Variants in VSX2 observed in about 807,000 individuals in gnomAD.
The protein encoded by VSX2 is ceh-10 homeo domain containing homolog.
Under a neutral mutation model 32.1 loss-of-function variants are expected in VSX2, and 28 were observed. That is an observed-to-expected ratio of 0.87 (90% CI 0.65 to 1.20). The LOEUF (loss-of-function observed/expected upper bound fraction) is 1.20. Among genes scored for constraint, VSX2 ranks in the 50% most tolerant of loss-of-function variants. VSX2 has a pLI of 0.00. For missense variants in VSX2, 506 were observed against 488.7 expected, an observed-to-expected ratio of 1.04 and a Z score of -0.33; for synonymous variants, 243 against 214.1, an observed-to-expected ratio of 1.14 and a Z score of -1.18.
chr14:74,244,863 A>G (rs2079173489), intron 2 of VSX2, among the ~76,000 whole-genome samples: 1 of 109,442 alleles, frequency 9.1e-6, no homozygotes, highest in East Asian at 2.2e-4. Context: ...TTAAACTATG[A>G]GACAGAGAGA....
rs1257388151 is a variant in VSX2 at position 74,260,809 on chromosome 14, G to T, written c.976G>T (p.Gly326Trp). The change falls in exon 5 of 5, where the codon GGG becomes TGG. Residue 326 changes from glycine (G) to tryptophan (W), a missense_variant. Gly to Trp is a radical substitution (Grantham distance 184). Coordinates refer to ENST00000261980, the MANE Select transcript of VSX2 (RefSeq NM_182894.3). ...CACCAAAGTGCTGGGGACTGTGTCT[G>T]GGCCGGACAGCCTGGCCCGGAGTAC... ...HSTKVLGTVS[G>W]PDSLARSTEK... 1 of 1,570,568 alleles carries T rather than the reference G, an allele frequency of 6.4e-7. No homozygotes were observed. Among genetic ancestry groups the T allele is most frequent in the East Asian group, 2.4e-5 (1 of 42,422 alleles).
At position 74,260,673 on chromosome 14, in the gene VSX2, C is replaced by G. The variant is rs779385952; in HGVS notation, c.840C>G (p.Leu280=). ...PEGERQALPK[L]DKMEQDERGP... is the part of the protein sequence containing the mutation. ...GGGAACGCCAGGCCCTGCCCAAGCT[C>G]GACAAGATGGAGCAGGACGAGCGGG... The change falls in exon 5 of 5, where the codon CTC becomes CTG. Residue 280 remains leucine, a synonymous_variant. Transcript: ENST00000261980. 1.9e-6 allele frequency: 3 copies of G among 1,600,528 alleles called. No individual in the cohort carries two copies. Among genetic ancestry groups the G allele is most frequent in the Non-Finnish European group, 2.6e-6 (3 of 1,174,296 alleles).
At chr14:74,259,352 C>T (rs1299917972) in intron 3 of VSX2, among the ~76,000 whole-genome samples, 1 of 152,138 alleles carries the variant, frequency 6.6e-6, no homozygotes, top group Non-Finnish European at 1.5e-5. Context: ...TCCTGCGCAC[C>T]TGCAAGACCC....
rs200029790 is a variant in VSX2, at chr14:74,241,271, G to A, written c.455+5G>A. 4 of 1,612,448 alleles carry A rather than the reference G, an allele frequency of 2.5e-6. No individual in the cohort carries two copies. The East Asian group carries it at 8.9e-5, about 36-fold the overall frequency. ...ACGGAAGAAGCGGCGACACAGGTGA[G>A]GCCCCCGCTTTCTGTTACCTCTCCT... On this transcript the variant is annotated splice_donor_5th_base_variant and intron_variant, in intron 2 of 4. Coordinates refer to ENST00000261980, the MANE Select transcript of VSX2 (RefSeq NM_182894.3).
intron 1 of VSX2, 137 bp from the exon 2 acceptor site, chr14:74,241,045 G>C: frequency 1.2e-6 from 1 of 829,758 alleles, no homozygotes; most frequent in African/African-American, 1.7e-5. Context: ...GGCCACCGGG[G>C]CGCCCGCAGG....
intron 3 of VSX2, among the ~76,000 whole-genome samples, chr14:74,255,329 C>T (rs2079256701): frequency 1.3e-5 from 2 of 152,216 alleles, no homozygotes; most frequent in Admixed American, 1.3e-4. Flanking sequence ...TCCAAGGCAC[C>T]ATTGCCATAG....
At chr14:74,248,334 T>TA (rs781035795) in intron 3 of VSX2, among the ~76,000 whole-genome samples, 43,615 of 84,748 alleles carry the variant, frequency 0.51, 10,367 homozygotes, top group Non-Finnish European at 0.57. Context: ...GAGACCAGGC[T>TA]AAAAAAAAAA....
chr14:74,255,726 T>C (rs1369865656), intron 3 of VSX2, among the ~76,000 whole-genome samples: 1 of 152,158 alleles, frequency 6.6e-6, no homozygotes, highest in Non-Finnish European at 1.5e-5. Context: ...GCCAGGGCAG[T>C]GCACCTTGCC....
chr14:74,251,916 T>A (rs2079231438), intron 3 of VSX2, among the ~76,000 whole-genome samples: 1 of 152,136 alleles, frequency 6.6e-6, no homozygotes, highest in South Asian at 2.1e-4. Context: ...TGATGGACGC[T>A]CACCTGATGG....
rs567237859 is a variant in VSX2 at position 74,257,897 on chromosome 14, C to G, written c.580-1705C>G. On this transcript the variant is annotated intron_variant, in intron 3 of 4. Transcript: ENST00000261980. ...AGGCGCTGCCGAGCGTCCCACTCAT[C>G]ACGCCAGCGCCAGACGGCAAGCAAT... Among the ~76,000 whole-genome samples the G allele has an allele frequency of 5.9e-4, 90 of 152,304 alleles. No individual in the cohort carries two copies. In the East Asian group the frequency reaches 0.015, roughly 26 times the overall value.
chr14:74,253,704 G>A (rs2079243990), intron 3 of VSX2, among the ~76,000 whole-genome samples: 1 of 152,226 alleles, frequency 6.6e-6, no homozygotes, highest in African/African-American at 2.4e-5. Context: ...GCCGAGGCTG[G>A]CTGATCACCT....
At chr14:74,258,451 G>T (rs774757264) in intron 3 of VSX2, among the ~76,000 whole-genome samples, 1 of 152,160 alleles carries the variant, frequency 6.6e-6, no homozygotes, top group Non-Finnish European at 1.5e-5. Flanking sequence ...AGGAAATCGG[G>T]AGGAAATGAA....
chr14:74,257,165 C>G (rs915643264), intron 3 of VSX2, among the ~76,000 whole-genome samples: 1 of 152,084 alleles, frequency 6.6e-6, no homozygotes, highest in Non-Finnish European at 1.5e-5. Context: ...CTGGGGAGAT[C>G]TACATACGGC....
At chr14:74,244,930 GAA>G (rs1172156339) in intron 2 of VSX2, among the ~76,000 whole-genome samples, 87 of 81,172 alleles carry the variant, frequency 1.1e-3, no homozygotes, top group Admixed American at 1.4e-3. Flanking sequence ...GTGTGTGTGT[GAA>G]AGAGAGAGAG....
intron 3 of VSX2, among the ~76,000 whole-genome samples, chr14:74,253,589 G>C (rs1016212343): frequency 9.9e-5 from 15 of 152,216 alleles, no homozygotes; most frequent in Non-Finnish European, 1.6e-4. Flanking sequence ...AACCTGCAGA[G>C]AGGTGGTGTC....
intron 2 of VSX2, among the ~76,000 whole-genome samples, chr14:74,244,959 T>TGTGAGAGAGAGAGAAAGAGAGAGAGAAA (rs2079179538): frequency 4.2e-5 from 4 of 95,222 alleles, no homozygotes; most frequent in African/African-American, 1.8e-4. Context: ...TGTGTGTGTG[T>TGTGAGAGAGAGAGAAAGAGAGAGAGAAA]GTGTGTGTGT....
intron 3 of VSX2, 136 bp downstream of exon 3, chr14:74,245,424 CCTAT>C: frequency 1.6e-6 from 2 of 1,260,460 alleles, no homozygotes; most frequent in Non-Finnish European, 2.2e-6. Context: ...ATGTTCTCAG[CCTAT>C]TTAAGCTGAA....
chr14:74,252,941 C>T lies in VSX2; in HGVS notation c.580-6661C>T, dbSNP rs1458539094. 4.7e-5 allele frequency among the ~76,000 whole-genome samples: 7 copies of T among 149,920 alleles called. No homozygotes were observed. The East Asian group carries it at 1.4e-3, about 30-fold the overall frequency. ...GCGGGTGCCTGTAATCCCAGCTACT[C>T]AGGAGGCTGAGGCAGGAGAATTGCT... On this transcript the variant is annotated intron_variant, in intron 3 of 4. Coordinates refer to ENST00000261980, the MANE Select transcript of VSX2 (RefSeq NM_182894.3).
chr14:74,260,701 C>A lies in VSX2; in HGVS notation c.868C>A (p.Pro290Thr). 2 of 1,594,682 alleles carry A rather than the reference C, an allele frequency of 1.3e-6. No individual in the cohort carries two copies. The highest frequency in any genetic ancestry group is 1.3e-5 in the African/African-American group (1 of 74,818). ...LDKMEQDERG[P>T]DAQAAISQEE... is the part of the protein sequence containing the mutation. ...CAAGATGGAGCAGGACGAGCGGGGC[C>A]CCGACGCTCAGGCGGCCATCTCCCA... Residue 290 changes from proline (P) to threonine (T), a missense_variant, in exon 5 of 5, where the codon CCC (proline) becomes ACC (threonine). Pro to Thr is a conservative substitution (Grantham distance 38). Transcript: ENST00000261980.
Sources: allele counts gnomAD v4.1 joint callset (sites outside exome capture counted in the v4.1 genomes callset), GRCh38; gene constraint gnomAD v4.1.1; transcripts MANE v1.5; gene names NCBI Gene and HGNC (gene_info 2026-07-23, HGNC 2026-07-21).